Variants in CLYBL observed in about 807,000 individuals in gnomAD.
The protein encoded by CLYBL is citramalyl-CoA lyase.
CLYBL carries 31 observed loss-of-function variants against 38.9 expected under a neutral mutation model. That is an observed-to-expected ratio of 0.80 (90% confidence interval 0.60 to 1.08). The LOEUF (loss-of-function observed/expected upper bound fraction) is 1.08. CLYBL is among the 50% of genes least tolerant of loss of function. The pLI, the probability that CLYBL is intolerant of heterozygous loss-of-function variation, is 0.00. For missense variants in CLYBL, 434 were observed against 411.6 expected, an observed-to-expected ratio of 1.05 and a Z score of -0.47; for synonymous variants, 171 against 158.6, an observed-to-expected ratio of 1.08 and a Z score of -0.59.
chr13:99,701,323 T>C (rs2048061538), intron 1 of CLYBL, among the ~76,000 whole-genome samples: 1 of 152,130 alleles, frequency 6.6e-6, no homozygotes, highest in Admixed American at 6.5e-5. Flanking sequence ...TTTTTGTTTT[T>C]GTTTTGAGAC....
chr13:99,904,789 G>A (rs1285423050), intron 8 of CLYBL, among the ~76,000 whole-genome samples: 1 of 152,222 alleles, frequency 6.6e-6, no homozygotes, highest in African/African-American at 2.4e-5. Flanking sequence ...TCAAGTAACA[G>A]CTCAGCCAAG....
chr13:99,758,330 A>G (rs1468283598), intron 1 of CLYBL, among the ~76,000 whole-genome samples: 1 of 152,194 alleles, frequency 6.6e-6, no homozygotes, highest in African/African-American at 2.4e-5. Flanking sequence ...CTGGGATGGC[A>G]TATCTAAAAA....
intron 7 of CLYBL, among the ~76,000 whole-genome samples, chr13:99,889,230 A>G (rs1182512991): frequency 1.3e-5 from 2 of 152,146 alleles, no homozygotes; most frequent in Non-Finnish European, 2.9e-5. Flanking sequence ...CATCTATGCT[A>G]ATTTCGTCTC....
intron 7 of CLYBL, among the ~76,000 whole-genome samples, chr13:99,891,087 A>G (rs2052476431): frequency 6.6e-6 from 1 of 151,956 alleles, no homozygotes; most frequent in Non-Finnish European, 1.5e-5. Flanking sequence ...CTTGTGTCCA[A>G]TGTGTTTCTC....
chr13:99,683,849 T>C (rs1238386638), intron 1 of CLYBL, among the ~76,000 whole-genome samples: 1 of 151,054 alleles, frequency 6.6e-6, no homozygotes, highest in Non-Finnish European at 1.5e-5. Context: ...CTGTGCATGG[T>C]TGTATTGCTA....
chr13:99,749,767 A>G (rs769830695), intron 1 of CLYBL, among the ~76,000 whole-genome samples: 1 of 152,204 alleles, frequency 6.6e-6, no homozygotes, highest in Non-Finnish European at 1.5e-5. Context: ...CTGTTCCGCC[A>G]GTGGGAGGAC....
At chr13:99,890,722 C>T (rs1366241308) in intron 7 of CLYBL, among the ~76,000 whole-genome samples, 1 of 152,188 alleles carries the variant, frequency 6.6e-6, no homozygotes, top group Admixed American at 6.5e-5. Context: ...CCCGCCCCGG[C>T]CTCCCAAAGT....
At chr13:99,781,386 G>T (rs1251978528) in intron 2 of CLYBL, among the ~76,000 whole-genome samples, 2 of 151,424 alleles carry the variant, frequency 1.3e-5, no homozygotes, top group Non-Finnish European at 2.9e-5. Context: ...TAGCCAGGAT[G>T]GTCTCAATCT....
At chr13:99,685,297 G>T (rs538987520) in intron 1 of CLYBL, among the ~76,000 whole-genome samples, 2 of 152,206 alleles carry the variant, frequency 1.3e-5, no homozygotes, top group South Asian at 4.2e-4. Context: ...GGGGGAAAAA[G>T]CCTATTATGT....
rs1594174106 is a variant in CLYBL at position 99,774,461 on chromosome 13, C to T, written c.249+1451C>T. Among the ~76,000 whole-genome samples, 4 of 152,126 alleles carry T rather than the reference C, an allele frequency of 2.6e-5. No homozygotes were observed. The Middle Eastern group carries it at 0.014, about 517-fold the overall frequency. ...AAGTTAAAAACATGAGTTCGCTTGACCTTTATCTATCCAGGCCCTAGACAA... is the reference window on the plus strand; with the variant it reads ...AAGTTAAAAACATGAGTTCGCTTGATCTTTATCTATCCAGGCCCTAGACAA... On this transcript the variant is annotated intron_variant, in intron 2 of 8. Transcript: ENST00000339105.
Position 99,876,546 on chromosome 13 carries a change from C to T in CLYBL, c.927+5484C>T, listed in dbSNP as rs76450195. 6.3e-3 allele frequency among the ~76,000 whole-genome samples: 954 copies of T among 151,340 alleles called. 5 individuals are homozygous for T. Among genetic ancestry groups the T allele is most frequent in the Non-Finnish European group, 9.9e-3 (672 of 67,882 alleles). On this transcript the variant is annotated intron_variant, in intron 7 of 8. Transcript: ENST00000339105. ...ATATTTTAATCAAAATATTCTTTAT[C>T]CAGGTTCATATTTTTCCGGGTTTTA...
At chr13:99,855,581 C>T (rs1418077393) in intron 2 of CLYBL, among the ~76,000 whole-genome samples, 1 of 152,152 alleles carries the variant, frequency 6.6e-6, no homozygotes, top group Non-Finnish European at 1.5e-5. Context: ...GCAAGAAGTA[C>T]AGTGTGTGTG....
chr13:99,698,069 A>G (rs1421456838), intron 1 of CLYBL, among the ~76,000 whole-genome samples: 1 of 152,222 alleles, frequency 6.6e-6, no homozygotes, highest in African/African-American at 2.4e-5. Context: ...AGTGTGGCCT[A>G]ATACTAAATT....
intron 1 of CLYBL, among the ~76,000 whole-genome samples, chr13:99,665,173 G>A (rs1207618014): frequency 6.6e-6 from 1 of 151,290 alleles, no homozygotes; most frequent in African/African-American, 2.4e-5. Flanking sequence ...TTTGTTTTGG[G>A]GCAATTCACT....
chr13:99,680,816 C>T (rs1016992135), intron 1 of CLYBL, among the ~76,000 whole-genome samples: 6 of 152,226 alleles, frequency 3.9e-5, no homozygotes, highest in Non-Finnish European at 5.9e-5. Flanking sequence ...GGACAGACCA[C>T]TGGGTTTCTC....
intron 1 of CLYBL, among the ~76,000 whole-genome samples, chr13:99,607,210 G>A (rs2046541036): frequency 1.3e-4 from 1 of 7,858 alleles, no homozygotes; most frequent in Non-Finnish European, 4.3e-4. Flanking sequence ...TGATTTTTGT[G>A]CATGAGGAAT....
intron 2 of CLYBL, among the ~76,000 whole-genome samples, chr13:99,805,441 G>A (rs1422802925): frequency 6.6e-6 from 1 of 151,978 alleles, no homozygotes; most frequent in Non-Finnish European, 1.5e-5. Context: ...AGCCTACTGA[G>A]CCCTGGAAGT....
At chr13:99,742,973 T>C (rs2048782274) in intron 1 of CLYBL, among the ~76,000 whole-genome samples, 1 of 152,220 alleles carries the variant, frequency 6.6e-6, no homozygotes, top group Non-Finnish European at 1.5e-5. Flanking sequence ...CCTCTTCTTT[T>C]CTTCTGCTTT....
chr13:99,710,476 G>A (rs2048213564), intron 1 of CLYBL, among the ~76,000 whole-genome samples: 1 of 152,124 alleles, frequency 6.6e-6, no homozygotes, highest in Non-Finnish European at 1.5e-5. Flanking sequence ...AGTGGTCCTT[G>A]TCATTGAGAC....
Sources: allele counts gnomAD v4.1 joint callset (sites outside exome capture counted in the v4.1 genomes callset), GRCh38; gene constraint gnomAD v4.1.1; transcripts MANE v1.5; gene names NCBI Gene and HGNC (gene_info 2026-07-23, HGNC 2026-07-21).